Variants in INPP5A observed in about 807,000 individuals in gnomAD.
INPP5A encodes inositol polyphosphate-5-phosphatase A.
Under a neutral mutation model 65.2 loss-of-function variants are expected in INPP5A, and 14 were observed. The observed-to-expected ratio is 0.21, with a 90% CI of 0.14 to 0.34. The LOEUF (loss-of-function observed/expected upper bound fraction) is 0.34. INPP5A is among the 10% of genes least tolerant of loss of function. The pLI is 1.00. For synonymous variants in INPP5A, 207 were observed against 208.3 expected, an observed-to-expected ratio of 0.99 and a Z score of 0.05; for missense variants, 431 against 545.6, an observed-to-expected ratio of 0.79 and a Z score of 2.09.
At position 132,603,382 on chromosome 10, in the gene INPP5A, A is replaced by G. The variant is rs949508167; in HGVS notation, c.76-4533A>G. 2.6e-5 allele frequency among the ~76,000 whole-genome samples: 4 copies of G among 152,182 alleles called. No homozygotes were observed. Among genetic ancestry groups the G allele is most frequent in the Non-Finnish European group, 4.4e-5 (3 of 68,028 alleles). ...AAAATTACAGATCACTCCAGCTCCCACTACCCAGAAAGAACGCTTGTCCAC... is the reference window on the plus strand; with the variant it reads ...AAAATTACAGATCACTCCAGCTCCCGCTACCCAGAAAGAACGCTTGTCCAC... On this transcript the variant is annotated intron_variant, in intron 1 of 15. Transcript: ENST00000368594. This position sits in a 1 kb window ranked among gnomAD's most constrained non-coding sequence, Gnocchi z 4.2.
At chr10:132,560,452 T>A (rs542065692) in intron 1 of INPP5A, among the ~76,000 whole-genome samples, 1 of 152,346 alleles carries the variant, frequency 6.6e-6, no homozygotes, top group East Asian at 1.9e-4. Flanking sequence ...TTTTTTACTG[T>A]AACCGTCCTG....
At chr10:132,773,716 G>A (rs1846995634) in intron 12 of INPP5A, among the ~76,000 whole-genome samples, 1 of 152,198 alleles carries the variant, frequency 6.6e-6, no homozygotes, top group South Asian at 2.1e-4. Flanking sequence ...CACAGAAGAG[G>A]CCTGCCAAGG....
intron 4 of INPP5A, among the ~76,000 whole-genome samples, chr10:132,681,027 TGAG>T (rs1220944695): frequency 3.9e-5 from 6 of 151,998 alleles, no homozygotes; most frequent in Non-Finnish European, 7.4e-5. Flanking sequence ...CCCAAGGGCT[TGAG>T]GAGTGCGGGC....
Position 132,678,587 on chromosome 10 carries a change from C to T in INPP5A, c.307-11805C>T, listed in dbSNP as rs1432933943. On this transcript the variant is annotated intron_variant, in intron 4 of 15. Coordinates refer to ENST00000368594, the MANE Select transcript of INPP5A (RefSeq NM_005539.5). The surrounding 1 kb of genome is among the most constrained non-coding windows in gnomAD (Gnocchi z 4.1). ...AGCTGCTGCTGCTCAGCCGGGCGCC[C>T]AGAGGGTGTGGTGCCTCTCTCATTG... Among the ~76,000 whole-genome samples the T allele has an allele frequency of 6.6e-6, 1 of 152,150 alleles. No homozygotes were observed. Among genetic ancestry groups the T allele is most frequent in the African/African-American group, 2.4e-5 (1 of 41,440 alleles).
rs200714101 is a variant in INPP5A at position 132,777,828 on chromosome 10, G to A, written c.1089+46G>A. 152 of 1,596,054 alleles carry A rather than the reference G, an allele frequency of 9.5e-5. 1 individual carries two copies. Among genetic ancestry groups the A allele is most frequent in the South Asian group, 8.7e-4 (78 of 89,156 alleles). On this transcript the variant is annotated intron_variant, in intron 13 of 15. Transcript: ENST00000368594. ...CCCTGGGCACAGAGGGATGTGGAGC[G>A]CTGGGTCTGGTCTGGCCCAGCCCTG...
chr10:132,653,074 A>G (rs572211988), intron 4 of INPP5A, among the ~76,000 whole-genome samples: 3 of 152,272 alleles, frequency 2.0e-5, no homozygotes, highest in African/African-American at 7.2e-5. Context: ...GGACGCAGCC[A>G]CCGACAGAAG....
intron 2 of INPP5A, among the ~76,000 whole-genome samples, chr10:132,638,548 T>G (rs528461828): frequency 7.9e-4 from 120 of 152,316 alleles, no homozygotes; most frequent in African/African-American, 2.8e-3. Flanking sequence ...TATTTGTAGC[T>G]CCCAATTTTA....
Position 132,637,158 on chromosome 10 carries a change from G to T in INPP5A, c.118-8710G>T, listed in dbSNP as rs936326562. ...GTCTTGATCTCCTGACCTTGTGGTT[G>T]ATCCGCCCGCTGCCTCGGCCTCCCA... is the stretch of plus-strand genomic sequence containing the variant. On this transcript the variant is annotated intron_variant, in intron 2 of 15. Coordinates refer to ENST00000368594, the MANE Select transcript of INPP5A (RefSeq NM_005539.5). This position sits in a 1 kb window ranked among gnomAD's most constrained non-coding sequence, Gnocchi z 4.1. Among the ~76,000 whole-genome samples, 29 of 152,188 alleles carry T rather than the reference G, an allele frequency of 1.9e-4. No homozygotes were observed. The highest frequency in any genetic ancestry group is 5.8e-4 in the African/African-American group (24 of 41,450).
chr10:132,646,803 C>A (rs1418198647), intron 3 of INPP5A, among the ~76,000 whole-genome samples: 1 of 151,764 alleles, frequency 6.6e-6, no homozygotes, highest in East Asian at 1.9e-4. Flanking sequence ...GGGCCGACGC[C>A]GCTGCCACAC....
At chr10:132,564,930 G>A (rs893274612) in intron 1 of INPP5A, among the ~76,000 whole-genome samples, 1 of 152,116 alleles carries the variant, frequency 6.6e-6, no homozygotes, top group African/African-American at 2.4e-5. Flanking sequence ...GCTGTGCTTG[G>A]GTCACCTGGT....
At chr10:132,673,564 G>A (rs1379242995) in intron 4 of INPP5A, among the ~76,000 whole-genome samples, 1 of 152,184 alleles carries the variant, frequency 6.6e-6, no homozygotes, top group Admixed American at 6.5e-5. Flanking sequence ...GGATGATGGG[G>A]AACATGGTAA....
chr10:132,684,574 C>T (rs115019839), intron 4 of INPP5A, among the ~76,000 whole-genome samples: 360 of 152,344 alleles, frequency 2.4e-3, no homozygotes, highest in African/African-American at 8.4e-3. Flanking sequence ...GTCCCTGTGG[C>T]TCATGTCTTC....
chr10:132,709,688 G>T (rs1845601872), intron 7 of INPP5A, among the ~76,000 whole-genome samples: 1 of 152,230 alleles, frequency 6.6e-6, no homozygotes, highest in Non-Finnish European at 1.5e-5. Context: ...CTTGGAGCCT[G>T]TGGAGGACAC....
At chr10:132,723,478 G>A (rs1845925059) in intron 8 of INPP5A, among the ~76,000 whole-genome samples, 1 of 143,212 alleles carries the variant, frequency 7.0e-6, no homozygotes, top group Non-Finnish European at 1.5e-5. Context: ...TGTGGGGATT[G>A]GCCGTGTGGG....
At position 132,587,627 on chromosome 10, in the gene INPP5A, G is replaced by GC. The variant is rs1281771544; in HGVS notation, c.76-20286dup. Among the ~76,000 whole-genome samples the GC allele has an allele frequency of 6.6e-6, 1 of 152,234 alleles. No individual in the cohort carries two copies. Among genetic ancestry groups the GC allele is most frequent in the African/African-American group, 2.4e-5 (1 of 41,464 alleles). On this transcript the variant is annotated intron_variant, in intron 1 of 15. Transcript: ENST00000368594. The surrounding 1 kb of genome is among the most constrained non-coding windows in gnomAD (Gnocchi z 4.3). The stretch of plus-strand genomic sequence containing the variant: ...GTTTGTATGCCGTGCTCAGAAGCTA[G>GC]CCAGAGGATTCCGTTCAGAAACGGG...
intron 4 of INPP5A, among the ~76,000 whole-genome samples, chr10:132,664,339 G>T (rs976749539): frequency 6.6e-6 from 1 of 152,200 alleles, no homozygotes; most frequent in African/African-American, 2.4e-5. Context: ...GCCCGTCCAG[G>T]TTTGGCTTCA....
chr10:132,715,541 C>G (rs918999003), intron 8 of INPP5A, among the ~76,000 whole-genome samples: 1 of 152,226 alleles, frequency 6.6e-6, no homozygotes, highest in Non-Finnish European at 1.5e-5. Context: ...TGCCCGCGCC[C>G]CAGCCCCGCT....
At chr10:132,671,993 G>T (rs2072898662) in intron 4 of INPP5A, among the ~76,000 whole-genome samples, 1 of 152,202 alleles carries the variant, frequency 6.6e-6, no homozygotes, top group African/African-American at 2.4e-5. Flanking sequence ...GGTGACTGTT[G>T]TCCAATATTC....
chr10:132,569,004 C>T (rs982692532), intron 1 of INPP5A, among the ~76,000 whole-genome samples: 18 of 151,444 alleles, frequency 1.2e-4, no homozygotes, highest in African/African-American at 4.4e-4. Flanking sequence ...CAACCTCCGC[C>T]TCTTGGATTC....
Sources: gnomAD v4.1 joint callset for allele counts (sites outside exome capture counted in the v4.1 genomes callset) on GRCh38, gnomAD v4.1.1 for gene constraint, Gnocchi (gnomAD v3.1) non-coding constraint, MANE v1.5 for transcripts, NCBI Gene and HGNC (gene_info 2026-07-23, HGNC 2026-07-21) for gene names.